Variants in MACROD1 observed in about 807,000 individuals in gnomAD.
MACROD1 encodes the protein mono-ADP ribosylhydrolase 1, also known as ADP-ribose glycohydrolase MACROD1.
Under a neutral mutation model 41.4 loss-of-function variants are expected in MACROD1, and 31 were observed. The observed-to-expected ratio is 0.75, with a 90% CI of 0.56 to 1.01. The LOEUF (loss-of-function observed/expected upper bound fraction) is 1.01, where lower values mean the gene tolerates loss of function less well. Ranked by LOEUF, MACROD1 falls within the 50% of genes least tolerant of loss-of-function variation. MACROD1 has a pLI of 0.00. For missense variants in MACROD1, 473 were observed against 460.0 expected, an observed-to-expected ratio of 1.03 and a Z score of -0.26; for synonymous variants, 252 against 203.4, an observed-to-expected ratio of 1.24 and a Z score of -2.03.
chr11:64,116,911 T>A (rs779682037), intron 3 of MACROD1: 70 of 1,611,454 alleles, frequency 4.3e-5, no homozygotes, highest in Non-Finnish European at 5.9e-5. Context: ...ACCATCCCGC[T>A]GCATGCCTTC....
intron 3 of MACROD1, among the ~76,000 whole-genome samples, chr11:64,052,595 A>C (rs1018451804): frequency 6.6e-5 from 10 of 152,228 alleles, no homozygotes; most frequent in Non-Finnish European, 1.2e-4. Context: ...AGACATGGCT[A>C]ATCAATCCCA....
At chr11:64,055,395 CGATGGGG>C (rs1943766306) in intron 3 of MACROD1, among the ~76,000 whole-genome samples, 1 of 152,208 alleles carries the variant, frequency 6.6e-6, no homozygotes, top group African/African-American at 2.4e-5. Context: ...TCACAAGAAA[CGATGGGG>C]GATGGGTGCT....
intron 3 of MACROD1, among the ~76,000 whole-genome samples, chr11:64,114,773 G>A (rs904334592): frequency 6.6e-6 from 1 of 152,176 alleles, no homozygotes; most frequent in African/African-American, 2.4e-5. Flanking sequence ...ATGGATGGAT[G>A]AATGTACAGG....
At chr11:64,138,591 G>T in intron 3 of MACROD1, 1 of 983,280 alleles carries the variant, frequency 1.0e-6, no homozygotes, top group Non-Finnish European at 1.2e-6. Flanking sequence ...GGGCCCTGCT[G>T]GCAGAGGAAT....
At chr11:64,060,549 G>A (rs1943879530) in intron 3 of MACROD1, 1 of 152,242 alleles carries the variant, frequency 6.6e-6, no homozygotes, top group South Asian at 2.1e-4. Flanking sequence ...ACCCAGAGCA[G>A]GCCCCAGCCT....
chr11:64,080,477 C>A (rs1023927563), intron 3 of MACROD1, among the ~76,000 whole-genome samples: 3 of 152,136 alleles, frequency 2.0e-5, no homozygotes, highest in Non-Finnish European at 4.4e-5. Context: ...AGAACATTTT[C>A]ATCCCCTAAA....
At chr11:64,056,779 C>T (rs947843) in intron 3 of MACROD1, among the ~76,000 whole-genome samples, 21,845 of 152,164 alleles carry the variant, frequency 0.14, 1,940 homozygotes, top group Non-Finnish European at 0.2. Flanking sequence ...GTAGTGCGAA[C>T]CCTGGGCTGA....
intron 3 of MACROD1, among the ~76,000 whole-genome samples, chr11:64,144,326 C>A (rs535347730): frequency 6.6e-6 from 1 of 152,232 alleles, no homozygotes; most frequent in Non-Finnish European, 1.5e-5. Context: ...TTTCCATTCA[C>A]ATGTGTTACC....
At chr11:64,089,135 C>A (rs565085619) in intron 3 of MACROD1, among the ~76,000 whole-genome samples, 1 of 152,180 alleles carries the variant, frequency 6.6e-6, no homozygotes, top group Admixed American at 6.5e-5. Context: ...CCCAGGAGCC[C>A]GCTGGTGACC....
intron 3 of MACROD1, among the ~76,000 whole-genome samples, chr11:64,038,921 T>C (rs1214821897): frequency 6.6e-6 from 1 of 152,146 alleles, no homozygotes; most frequent in Non-Finnish European, 1.5e-5. Flanking sequence ...AGTACCTACC[T>C]TGGGGAGGCA....
In MACROD1 at chr11:64,096,074, C is replaced by T. The variant is rs1944571567; in HGVS notation, c.517+55165G>A. Among the ~76,000 whole-genome samples the T allele has an allele frequency of 6.6e-6, 1 of 152,230 alleles. No homozygotes were observed. The highest frequency in any genetic ancestry group is 1.5e-5 in the Non-Finnish European group (1 of 68,034). On this transcript the variant is annotated intron_variant, in intron 3 of 10. Coordinates refer to ENST00000255681, the MANE Select transcript of MACROD1 (RefSeq NM_014067.4). The surrounding 1 kb of genome is among the most constrained non-coding windows in gnomAD (Gnocchi z 4.6). ...CTTGAGAGCTCCAGCGTGGGGACAG[C>T]GTGGGGCCCACTTCACAGCCAGGCT...
At chr11:64,131,816 G>GTGA (rs933346049) in intron 3 of MACROD1, among the ~76,000 whole-genome samples, 1 of 152,156 alleles carries the variant, frequency 6.6e-6, no homozygotes, top group Admixed American at 6.5e-5. Flanking sequence ...GCTGCCTGCC[G>GTGA]GTAAGTGTTG....
intron 3 of MACROD1, among the ~76,000 whole-genome samples, chr11:64,145,513 C>T (rs539961665): frequency 5.3e-5 from 8 of 152,278 alleles, no homozygotes; most frequent in African/African-American, 1.9e-4. Flanking sequence ...CCCTGCCCTT[C>T]GGTGGAACTG....
In MACROD1 at chr11:63,999,369, C is replaced by T. The variant is rs774532914; in HGVS notation, c.853G>A (p.Ala285Thr). 1 of 1,593,318 alleles carries T rather than the reference C, an allele frequency of 6.3e-7. No homozygotes were observed. Among genetic ancestry groups the T allele is most frequent in the Non-Finnish European group, 8.5e-7 (1 of 1,174,588 alleles). The change falls in exon 8 of 11, where the codon GCC becomes ACC. Residue 285 changes from alanine (A) to threonine (T), a missense_variant. Coordinates refer to ENST00000255681, the MANE Select transcript of MACROD1 (RefSeq NM_014067.4). ...TGCTCCAGCCACTCTCGCAGCGTGG[C>T]CAGCACGATCTCGGCGGCCGCCTCA... ...PCEAAAEIVL[A>T]TLREWLEQHK... is the part of the protein sequence containing the mutation.
rs1945835141 is a variant in MACROD1 at position 64,165,878 on chromosome 11, G to A, written c.117C>T (p.Ser39=). 2.8e-6 allele frequency: 4 copies of A among 1,411,984 alleles called. No individual in the cohort carries two copies. The highest frequency in any genetic ancestry group is 1.5e-5 in the South Asian group (1 of 64,870). The allele number at this position is 1,411,984 out of a possible 1,614,324, so 87.5% of individuals were successfully genotyped here. A position where few individuals can be genotyped will look rare whatever the true frequency, so the allele number is the denominator to read the frequency against. Residue 39 remains serine, a synonymous_variant, in exon 1 of 11, where the codon AGC becomes AGT. Coordinates refer to ENST00000255681, the MANE Select transcript of MACROD1 (RefSeq NM_014067.4). ...GGAACGCCGGGGGACCGCACGTGCT[G>A]CTGCGGGTCCTCGTGGCACCCGCCA... ...GHLAGATRTR[S]STCGPPAFLG... is the part of the protein sequence containing the mutation.
chr11:64,158,642 G>A (rs1330398923), intron 1 of MACROD1, among the ~76,000 whole-genome samples: 1 of 152,168 alleles, frequency 6.6e-6, no homozygotes, highest in Non-Finnish European at 1.5e-5. Flanking sequence ...CGAGGAAGCA[G>A]CAGCACGTCT....
At chr11:64,118,198 G>A (rs770157471) in intron 3 of MACROD1, 1 of 1,612,982 alleles carries the variant, frequency 6.2e-7, no homozygotes, top group Admixed American at 1.7e-5. Context: ...TCCAACGGCA[G>A]CAGCCTCTGC....
chr11:64,011,941 G>A (rs560323454), intron 4 of MACROD1, among the ~76,000 whole-genome samples: 2 of 152,120 alleles, frequency 1.3e-5, no homozygotes, highest in East Asian at 3.9e-4. Flanking sequence ...GAGCACCTCC[G>A]GGGACCAGGC....
chr11:64,078,106 C>T (rs1944237033), intron 3 of MACROD1, among the ~76,000 whole-genome samples: 3 of 152,188 alleles, frequency 2.0e-5, no homozygotes, highest in Admixed American at 1.3e-4. Context: ...GCGCACCTGC[C>T]GGCTTGGGGC....
Sources: allele counts gnomAD v4.1 joint callset (sites outside exome capture counted in the v4.1 genomes callset), GRCh38; gene constraint gnomAD v4.1.1; non-coding constraint Gnocchi (gnomAD v3.1); transcripts MANE v1.5; gene names NCBI Gene and HGNC (gene_info 2026-07-23, HGNC 2026-07-21).